The following RUBCN variants were observed in gnomAD, a reference collection of about 807,000 sequenced individuals.
The protein encoded by RUBCN is run domain Beclin-1-interacting and cysteine-rich domain-containing protein.
In RUBCN, 74 loss-of-function variants were observed where a neutral mutation model predicts 113.2. The observed-to-expected ratio is 0.65, with a 90% CI of 0.54 to 0.79. The LOEUF is 0.79. RUBCN is among the 30% of genes least tolerant of loss of function. The probability of loss-of-function intolerance (pLI) is 0.00; values close to 1 mark genes in which losing one functional copy is unlikely to be tolerated. For missense variants in RUBCN, 1,109 were observed against 1,251.7 expected (o/e 0.89, Z 1.72); for synonymous variants, 480 against 490.0 (o/e 0.98, Z 0.27).
rs1313171790 is a variant in RUBCN, at chr3:197,671,758, A to G, written c.*3260T>C. The stretch of plus-strand genomic sequence containing the variant: ...AGGCAAGTCAGATGTTGCGGAGAGG[A>G]AGACACCTCATTTTAAGTGACAGTT... On this transcript the variant is annotated 3_prime_UTR_variant, in exon 20 of 20. Coordinates refer to ENST00000296343, the MANE Select transcript of RUBCN (RefSeq NM_014687.4). The G allele has an allele frequency of 6.6e-6, 1 of 152,176 alleles. No individual in the cohort carries two copies. Among genetic ancestry groups the G allele is most frequent in the Non-Finnish European group, 1.5e-5 (1 of 68,026 alleles). 9.4% of individuals were successfully genotyped at this position (152,176 alleles called of 1,614,324 possible).
intron 1 of RUBCN, among the ~76,000 whole-genome samples, chr3:197,721,846 G>A (rs1197791153): frequency 6.6e-6 from 1 of 152,138 alleles, no homozygotes; most frequent in African/African-American, 2.4e-5. Context: ...TTGACCAACT[G>A]GTTGTTCAGG....
intron 10 of RUBCN, chr3:197,694,127 G>T: frequency 1.6e-6 from 1 of 628,890 alleles, no homozygotes; most frequent in South Asian, 1.5e-5. Flanking sequence ...CTGGCCTCAA[G>T]TGATCCACCC....
rs79271637 is a variant in RUBCN, at chr3:197,712,752, T to C, written c.219+5225A>G. Among the ~76,000 whole-genome samples the C allele has an allele frequency of 4.7e-4, 71 of 151,792 alleles. 1 individual carries two copies. The East Asian group carries it at 0.013, about 27-fold the overall frequency. Reference sequence around the variant, plus strand: ...CATGTAAAAAAGGAGAGAGAAAAGATAAAATAAAAACAAATAAAAAAATTA... The same window carrying C: ...CATGTAAAAAAGGAGAGAGAAAAGACAAAATAAAAACAAATAAAAAAATTA... On this transcript the variant is annotated intron_variant, in intron 2 of 19. Transcript: ENST00000296343.
At chr3:197,719,203 G>A (rs1433682960) in intron 1 of RUBCN, among the ~76,000 whole-genome samples, 1 of 152,132 alleles carries the variant, frequency 6.6e-6, no homozygotes, top group South Asian at 2.1e-4. Flanking sequence ...GAGGCTGGAC[G>A]CAGTGGCTCA....
chr3:197,699,528 G>A (rs373582335), intron 7 of RUBCN, among the ~76,000 whole-genome samples: 3 of 152,174 alleles, frequency 2.0e-5, no homozygotes, highest in Admixed American at 6.5e-5. Flanking sequence ...CCAGTGGCTT[G>A]GAGTATGGCA....
At chr3:197,728,227 C>A (rs1378612789) in intron 1 of RUBCN, among the ~76,000 whole-genome samples, 5 of 152,214 alleles carry the variant, frequency 3.3e-5, no homozygotes, top group Admixed American at 1.3e-4. Flanking sequence ...AATGTGAGAA[C>A]CCTTCAAAAA....
At chr3:197,742,303 G>A (rs1352972813) in intron 1 of RUBCN, among the ~76,000 whole-genome samples, 2 of 152,100 alleles carry the variant, frequency 1.3e-5, no homozygotes, top group African/African-American at 4.8e-5. Flanking sequence ...GGCCAGCCTG[G>A]CCAGCATGGT....
At chr3:197,740,936 T>G (rs776032530), upstream of RUBCN, among the ~76,000 whole-genome samples, 55 of 152,186 alleles carry the variant, frequency 3.6e-4, no homozygotes, top group Non-Finnish European at 6.2e-4. Flanking sequence ...AAATAGATTC[T>G]AAAGAGTCAT....
chr3:197,687,692 C>A (rs1722003854), intron 11 of RUBCN, among the ~76,000 whole-genome samples: 1 of 152,200 alleles, frequency 6.6e-6, no homozygotes, highest in Non-Finnish European at 1.5e-5. Flanking sequence ...CCCTGGAGAG[C>A]TTTACAGTGA....
At chr3:197,732,592 C>T (rs1004247446) in intron 1 of RUBCN, among the ~76,000 whole-genome samples, 1 of 152,240 alleles carries the variant, frequency 6.6e-6, no homozygotes, top group Non-Finnish European at 1.5e-5. Context: ...GGATTACAGG[C>T]GTGAGCCACC....
In RUBCN at chr3:197,677,522, C is replaced by T. The variant is rs1309605013; in HGVS notation, c.2450G>A (p.Cys817Tyr). The change falls in exon 17 of 20, where the codon TGT becomes TAT. Residue 817 changes from cysteine (C) to tyrosine (Y), a missense_variant. Coordinates refer to ENST00000296343, the MANE Select transcript of RUBCN (RefSeq NM_014687.4). ...AGTCTTGAACATGTTCTTCATGTGA[C>T]ACAGCTGGACCCGCAGCAGCTGAAA... ...NQVRLLRVQL[C>Y]HMKNMFKTCR... 6.2e-7 allele frequency: 1 copy of T among 1,614,156 alleles called. No homozygotes were observed. The highest frequency in any genetic ancestry group is 8.5e-7 in the Non-Finnish European group (1 of 1,180,026).
At chr3:197,718,471 G>A (rs1725786433) in intron 1 of RUBCN, among the ~76,000 whole-genome samples, 1 of 151,874 alleles carries the variant, frequency 6.6e-6, no homozygotes, top group East Asian at 1.9e-4. Context: ...TTTATTTTTT[G>A]AGACACTTAA....
rs1721167871 is a variant in RUBCN, at chr3:197,681,046, GGAGGGGACGGGGGAGGGAC to G, written c.2430+64_2430+82del. 4.4e-6 allele frequency: 3 copies of G among 686,640 alleles called. No homozygotes were observed. In the Admixed American group the frequency reaches 6.6e-5, roughly 15 times the overall value. The allele number at this position is 686,640 out of a possible 1,614,324, so 42.5% of individuals were successfully genotyped here. A position where few individuals can be genotyped will look rare whatever the true frequency, so the allele number is the denominator to read the frequency against. ...GAGGGGACAAGAGGAGGGGATGGGG[GGAGGGGACGGGGGAGGGAC>G]GAGGGGAGGGGATGAGGGGAGGAGA... is the stretch of plus-strand genomic sequence containing the variant. On this transcript the variant is annotated intron_variant, in intron 16 of 19. Coordinates refer to ENST00000296343, the MANE Select transcript of RUBCN (RefSeq NM_014687.4). This position sits in a 1 kb window ranked among gnomAD's most constrained non-coding sequence, Gnocchi z 5.5.
intron 2 of RUBCN, among the ~76,000 whole-genome samples, chr3:197,713,292 T>C (rs1450744908): frequency 6.6e-6 from 1 of 152,248 alleles, no homozygotes; most frequent in Non-Finnish European, 1.5e-5. Context: ...AACTGTCTTG[T>C]AATATGGTTA....
intron 11 of RUBCN, among the ~76,000 whole-genome samples, chr3:197,687,123 A>G (rs1721936820): frequency 6.6e-6 from 1 of 152,248 alleles, no homozygotes; most frequent in African/African-American, 2.4e-5. Context: ...GGCCAGTTTG[A>G]TGCCGGTTTC....
rs1408447054 is a variant in RUBCN, at chr3:197,673,068, C to T, written c.*1950G>A. On this transcript the variant is annotated 3_prime_UTR_variant, in exon 20 of 20. Transcript: ENST00000296343. ...CTGGGTCTGAATCTGGGACCTAACC[C>T]CTAGTTAAACTTGAGTTCTGTGGGG... 1 of 152,326 alleles carries T rather than the reference C, an allele frequency of 6.6e-6. No homozygotes were observed. The highest frequency in any genetic ancestry group is 3.4e-3 in the Middle Eastern group (1 of 294). The allele number at this position is 152,326 out of a possible 1,614,324, so 9.4% of individuals were successfully genotyped here.
In RUBCN at chr3:197,677,481, C is replaced by T; in HGVS notation, c.2491G>A (p.Glu831Lys). The T allele has an allele frequency of 6.2e-7, 1 of 1,613,972 alleles. No individual in the cohort carries two copies. The highest frequency in any genetic ancestry group is 8.5e-7 in the Non-Finnish European group (1 of 1,179,812). Reference sequence around the variant, plus strand: ...GGCTCTAGCTCCAAAAGGACTTACTCCTTGGCCAGTCGGCAAGTCTTGAAC... The same window carrying T: ...GGCTCTAGCTCCAAAAGGACTTACTTCTTGGCCAGTCGGCAAGTCTTGAAC... ...NMFKTCRLAK[E>K]LLDSFDTVPG... The change falls in exon 17 of 20, where the codon GAG becomes AAG. Residue 831 changes from glutamate to lysine, a missense_variant and splice_region_variant. Coordinates refer to ENST00000296343, the MANE Select transcript of RUBCN (RefSeq NM_014687.4).
intron 11 of RUBCN, among the ~76,000 whole-genome samples, chr3:197,690,029 C>T (rs1040047774): frequency 2.6e-5 from 4 of 152,200 alleles, no homozygotes; most frequent in Non-Finnish European, 5.9e-5. Flanking sequence ...TTTTAGCTCC[C>T]ACATATGAGT....
chr3:197,698,038 AC>A (rs1723206496), intron 7 of RUBCN, among the ~76,000 whole-genome samples: 1 of 152,210 alleles, frequency 6.6e-6, no homozygotes, highest in African/African-American at 2.4e-5. Flanking sequence ...CCATGATATG[AC>A]TTGGAAGGGA....
Sources: gnomAD v4.1 joint callset for allele counts (sites outside exome capture counted in the v4.1 genomes callset) on GRCh38, gnomAD v4.1.1 for gene constraint, Gnocchi (gnomAD v3.1) non-coding constraint, MANE v1.5 for transcripts, NCBI Gene and HGNC (gene_info 2026-07-23, HGNC 2026-07-21) for gene names.